Variants in ARK2N observed in about 807,000 individuals in gnomAD.
ARK2N encodes the protein arkadia (RNF111) N-terminal like PKA signaling regulator 2N.
chr18:46,191,314 C>G, the ARK2N span, among the ~76,000 whole-genome samples: 1 of 151,996 alleles, frequency 6.6e-6, no homozygotes, highest in Non-Finnish European at 1.5e-5. Context: ...AACTGACAAG[C>G]CAATATTGAT....
chr18:46,236,838 T>TTGTTG, the ARK2N span, among the ~76,000 whole-genome samples: 1 of 150,092 alleles, frequency 6.7e-6, no homozygotes, highest in African/African-American at 2.4e-5. Context: ...CTGTTTTTTT[T>TTGTTG]TTGTTGTTGT....
chr18:46,181,896 CTG>C, the ARK2N span, among the ~76,000 whole-genome samples: 6 of 152,274 alleles, frequency 3.9e-5, no homozygotes, highest in African/African-American at 1.4e-4. Context: ...ATGTGAGCCA[CTG>C]TGCCTGGCTG....
the ARK2N span, among the ~76,000 whole-genome samples, chr18:46,198,909 A>G: frequency 6.6e-6 from 1 of 152,228 alleles, no homozygotes; most frequent in African/African-American, 2.4e-5. Flanking sequence ...TTTCCTTCTT[A>G]AAAATGGACC....
the ARK2N span, among the ~76,000 whole-genome samples, chr18:46,239,406 G>T: frequency 1.3e-5 from 2 of 152,094 alleles, no homozygotes; most frequent in Non-Finnish European, 2.9e-5. Flanking sequence ...TGGATTTGTT[G>T]TATTGTCTTT....
chr18:46,192,057 A>G, the ARK2N span, among the ~76,000 whole-genome samples: 1 of 152,214 alleles, frequency 6.6e-6, no homozygotes, highest in African/African-American at 2.4e-5. Context: ...ACTGAAGGAT[A>G]GTAAGTCGCT....
At chr18:46,205,876 C>T in the ARK2N span, among the ~76,000 whole-genome samples, 34 of 152,050 alleles carry the variant, frequency 2.2e-4, no homozygotes, top group Admixed American at 2.0e-3. Context: ...CAGGCATGTG[C>T]TACCATGCTC....
chr18:46,194,959 C>T, the ARK2N span, among the ~76,000 whole-genome samples: 4 of 151,558 alleles, frequency 2.6e-5, no homozygotes, highest in African/African-American at 9.7e-5. Context: ...TGCTACCACG[C>T]CTGGCTAATT....
At chr18:46,239,471 GGA>G in the ARK2N span, among the ~76,000 whole-genome samples, 1 of 152,132 alleles carries the variant, frequency 6.6e-6, no homozygotes, top group Non-Finnish European at 1.5e-5. Flanking sequence ...GGACTTTACT[GGA>G]AATAGATATG....
At chr18:46,204,047 T>C in the ARK2N span, among the ~76,000 whole-genome samples, 1 of 152,028 alleles carries the variant, frequency 6.6e-6, no homozygotes, top group Non-Finnish European at 1.5e-5. Context: ...AAGGTAAGAA[T>C]AGACCTGCAT....
chr18:46,181,786 T>C, the ARK2N span, among the ~76,000 whole-genome samples: 12 of 152,190 alleles, frequency 7.9e-5, no homozygotes, highest in Non-Finnish European at 1.3e-4. Context: ...GATTGATTGA[T>C]TGATTGAGAT....
chr18:46,259,020 TA>T, the ARK2N span, among the ~76,000 whole-genome samples: 10 of 150,842 alleles, frequency 6.6e-5, no homozygotes, highest in African/African-American at 2.2e-4. Flanking sequence ...CCTCTGTAGT[TA>T]AAAAAAAATG....
At chr18:46,191,022 A>G in the ARK2N span, among the ~76,000 whole-genome samples, 2 of 151,734 alleles carry the variant, frequency 1.3e-5, no homozygotes, top group Non-Finnish European at 2.9e-5. Context: ...TGGATCCAGC[A>G]CTCATTTGAT....
At chr18:46,183,886 C>T in the ARK2N span, among the ~76,000 whole-genome samples, 1,328 of 150,904 alleles carry the variant, frequency 8.8e-3, 25 homozygotes, top group African/African-American at 0.031. Flanking sequence ...TGCAGTGGCG[C>T]GATCTCAGCT....
At chr18:46,224,900 T>A in the ARK2N span, among the ~76,000 whole-genome samples, 1 of 152,194 alleles carries the variant, frequency 6.6e-6, no homozygotes, top group Non-Finnish European at 1.5e-5. Context: ...GCAATAATGT[T>A]TTATGAAATG....
At chr18:46,226,202 G>A in the ARK2N span, among the ~76,000 whole-genome samples, 6 of 152,150 alleles carry the variant, frequency 3.9e-5, no homozygotes, top group African/African-American at 9.7e-5. Flanking sequence ...AACACAATTC[G>A]TTTCTGAGCA....
chr18:46,182,192 C>T, the ARK2N span, among the ~76,000 whole-genome samples: 22 of 152,128 alleles, frequency 1.4e-4, no homozygotes, highest in Non-Finnish European at 3.2e-4. Context: ...ATCCTGTCTG[C>T]CTTAGTTTTA....
At chr18:46,236,072 A>C in the ARK2N span, among the ~76,000 whole-genome samples, 1 of 152,234 alleles carries the variant, frequency 6.6e-6, no homozygotes, top group Non-Finnish European at 1.5e-5. Context: ...ATAGAAGCTT[A>C]GTGAGACAGT....
At chr18:46,188,200 T>TTA in the ARK2N span, among the ~76,000 whole-genome samples, 12 of 152,070 alleles carry the variant, frequency 7.9e-5, no homozygotes, top group Admixed American at 3.3e-4. Flanking sequence ...CTTTAAAATC[T>TTA]TATATATATA....
At chr18:46,209,288 C>CA in the ARK2N span, among the ~76,000 whole-genome samples, 1 of 126,542 alleles carries the variant, frequency 7.9e-6, no homozygotes, top group African/African-American at 3.2e-5. Flanking sequence ...AATACTTCTC[C>CA]ACTTTTTTTT....
Sources: gnomAD v4.1 joint callset for allele counts (sites outside exome capture counted in the v4.1 genomes callset) on GRCh38, gnomAD v4.1.1 for gene constraint, MANE v1.5 for transcripts, NCBI Gene and HGNC (gene_info 2026-07-23, HGNC 2026-07-21) for gene names.